GMDS: variants seen among roughly 807,000 people sequenced by gnomAD.
GMDS encodes GDP-mannose 4,6 dehydratase.
In GMDS, 20 loss-of-function variants were observed where a neutral mutation model predicts 49.9. That is an observed-to-expected ratio of 0.40 (90% CI 0.28 to 0.58). GMDS has a LOEUF of 0.58. Ranked by LOEUF, GMDS falls within the 20% of genes least tolerant of loss-of-function variation. The pLI is 0.42. For missense variants in GMDS, 362 were observed against 481.4 expected (o/e 0.75, Z 2.32); for synonymous variants, 177 against 178.6 (o/e 0.99, Z 0.07).
intron 4 of GMDS, among the ~76,000 whole-genome samples, chr6:2,098,683 A>G (rs1773751631): frequency 6.6e-6 from 1 of 152,204 alleles, no homozygotes; most frequent in Non-Finnish European, 1.5e-5. Flanking sequence ...GATTGGGGTT[A>G]AACTATGGCT....
intron 7 of GMDS, among the ~76,000 whole-genome samples, chr6:1,749,888 G>A (rs921637673): frequency 3.3e-5 from 5 of 151,986 alleles, no homozygotes; most frequent in Admixed American, 6.5e-5. Context: ...CTGTAGTGCC[G>A]TGGCATGATC....
intron 4 of GMDS, among the ~76,000 whole-genome samples, chr6:1,999,377 A>T (rs1766513451): frequency 6.6e-6 from 1 of 151,736 alleles, no homozygotes; most frequent in African/African-American, 2.4e-5. Context: ...GTTCAGAAAG[A>T]TATTAAAAGA....
chr6:1,765,076 T>A (rs1424767473), intron 7 of GMDS, among the ~76,000 whole-genome samples: 1 of 152,234 alleles, frequency 6.6e-6, no homozygotes, highest in Non-Finnish European at 1.5e-5. Context: ...GAAGAAACCT[T>A]AACTGACAGG....
rs1771255636 is a variant in GMDS at position 1,829,351 on chromosome 6, A to G, written c.772-86765T>C. Among the ~76,000 whole-genome samples the G allele has an allele frequency of 2.0e-5, 3 of 152,392 alleles. No homozygotes were observed. In the South Asian group the frequency reaches 6.2e-4, roughly 32 times the overall value. On this transcript the variant is annotated intron_variant, in intron 7 of 10. Transcript: ENST00000380815. ...TGTGTATATAATTTTAAATGTTTGT[A>G]TAACCAAATAAAAAAATATATTATG...
intron 1 of GMDS, among the ~76,000 whole-genome samples, chr6:2,181,100 G>A (rs183125063): frequency 1.7e-3 from 245 of 148,388 alleles, no homozygotes; most frequent in African/African-American, 5.8e-3. Flanking sequence ...GCATGAACCC[G>A]GGTGGTGGAG....
chr6:1,828,246 A>G (rs1771208341), intron 7 of GMDS, among the ~76,000 whole-genome samples: 2 of 152,154 alleles, frequency 1.3e-5, no homozygotes, highest in South Asian at 4.1e-4. Context: ...AGAAACAGAA[A>G]GAAGAATGAA....
At chr6:1,902,688 T>A (rs916392967) in intron 7 of GMDS, among the ~76,000 whole-genome samples, 1 of 152,222 alleles carries the variant, frequency 6.6e-6, no homozygotes, top group Non-Finnish European at 1.5e-5. Context: ...AATGTCACTA[T>A]TAAAAGGCCA....
intron 7 of GMDS, among the ~76,000 whole-genome samples, chr6:1,885,070 T>G (rs1383681591): frequency 6.6e-6 from 1 of 152,188 alleles, no homozygotes; most frequent in South Asian, 2.1e-4. Context: ...TCCTCTGAGA[T>G]GTTAAAAGGA....
At chr6:1,731,895 G>A (rs1766821979) in intron 8 of GMDS, among the ~76,000 whole-genome samples, 1 of 152,194 alleles carries the variant, frequency 6.6e-6, no homozygotes, top group Non-Finnish European at 1.5e-5. Context: ...CCCAACCGGG[G>A]TTTGAGAGCC....
intron 4 of GMDS, among the ~76,000 whole-genome samples, chr6:2,055,980 T>G (rs986941150): frequency 2.0e-4 from 30 of 152,192 alleles, no homozygotes; most frequent in Non-Finnish European, 4.4e-5. Flanking sequence ...ACTTTATTTT[T>G]AATAATTAAT....
intron 1 of GMDS, among the ~76,000 whole-genome samples, chr6:2,219,667 C>G (rs1440677869): frequency 1.3e-5 from 2 of 152,116 alleles, no homozygotes; most frequent in Non-Finnish European, 2.9e-5. Flanking sequence ...AGACCAGTAA[C>G]AAACAGAGCA....
chr6:1,681,868 G>A (rs1372589383), intron 9 of GMDS, among the ~76,000 whole-genome samples: 1 of 152,192 alleles, frequency 6.6e-6, no homozygotes, highest in Admixed American at 6.5e-5. Context: ...GCTAATTTTT[G>A]TATTTCTTAT....
Position 1,778,007 on chromosome 6 carries a change from A to G in GMDS, c.772-35421T>C, listed in dbSNP as rs1049542591. Among the ~76,000 whole-genome samples the G allele has an allele frequency of 1.1e-4, 16 of 152,218 alleles. No individual in the cohort carries two copies. Among genetic ancestry groups the G allele is most frequent in the African/African-American group, 3.6e-4 (15 of 41,448 alleles). ...GCTAACAGATGGAAGAGCTGAATGGAAATTTCAATAAAGAGGGCCACAAAG... is the reference window on the plus strand; with the variant it reads ...GCTAACAGATGGAAGAGCTGAATGGGAATTTCAATAAAGAGGGCCACAAAG... On this transcript the variant is annotated intron_variant, in intron 7 of 10. Transcript: ENST00000380815. The surrounding 1 kb of genome is among the most constrained non-coding windows in gnomAD (Gnocchi z 4.6).
chr6:1,889,643 A>G (rs1759781318), intron 7 of GMDS, among the ~76,000 whole-genome samples: 1 of 152,154 alleles, frequency 6.6e-6, no homozygotes, highest in African/African-American at 2.4e-5. Context: ...ATCTTCATTG[A>G]TATATAATTC....
At chr6:2,156,726 T>C (rs1777132240) in intron 1 of GMDS, among the ~76,000 whole-genome samples, 1 of 152,200 alleles carries the variant, frequency 6.6e-6, no homozygotes, top group Middle Eastern at 3.2e-3. Context: ...AAGATGAATA[T>C]GTCTCGGGGT....
rs959241944 is a variant in GMDS, at chr6:1,704,841, T to C, written c.987+21575A>G. On this transcript the variant is annotated intron_variant, in intron 9 of 10. Coordinates refer to ENST00000380815, the MANE Select transcript of GMDS (RefSeq NM_001500.4). ...CTATGACAGCATTTGTTCTATTGTT[T>C]TGGCGGCGGTGGAGAGGGGGGCGGG... Among the ~76,000 whole-genome samples the C allele has an allele frequency of 5.4e-5, 8 of 149,236 alleles. No individual in the cohort carries two copies. The East Asian group carries it at 6.3e-4, about 12-fold the overall frequency.
intron 4 of GMDS, among the ~76,000 whole-genome samples, chr6:2,070,939 C>G (rs1771954075): frequency 6.6e-6 from 1 of 152,174 alleles, no homozygotes. Context: ...CTACCACACA[C>G]CACATTTACT....
intron 4 of GMDS, among the ~76,000 whole-genome samples, chr6:2,020,208 C>G (rs1447741489): frequency 6.6e-6 from 1 of 151,944 alleles, no homozygotes; most frequent in Non-Finnish European, 1.5e-5. Context: ...TATTTTAAGG[C>G]TAGCCTTGAG....
intron 4 of GMDS, among the ~76,000 whole-genome samples, chr6:2,042,011 T>C (rs1331321172): frequency 6.6e-6 from 1 of 152,190 alleles, no homozygotes; most frequent in Non-Finnish European, 1.5e-5. Flanking sequence ...GGAAAAGATA[T>C]CACTTAAAAT....
Sources: allele counts gnomAD v4.1 joint callset (sites outside exome capture counted in the v4.1 genomes callset), GRCh38; gene constraint gnomAD v4.1.1; non-coding constraint Gnocchi (gnomAD v3.1); transcripts MANE v1.5; gene names NCBI Gene and HGNC (gene_info 2026-07-23, HGNC 2026-07-21).